The following FER variants were observed in gnomAD, a reference collection of about 807,000 sequenced individuals.
The protein encoded by FER is tyrosine-protein kinase Fer.
In FER, 63 loss-of-function variants were observed where a neutral mutation model predicts 111.0. That is an observed-to-expected ratio of 0.57 (90% CI 0.46 to 0.70). The LOEUF (loss-of-function observed/expected upper bound fraction) is 0.70. FER is among the 30% of genes least tolerant of loss of function. FER has a pLI of 0.00. For synonymous variants in FER, 327 were observed against 313.9 expected, an observed-to-expected ratio of 1.04 and a Z score of -0.44; for missense variants, 914 against 954.0, an observed-to-expected ratio of 0.96 and a Z score of 0.55.
At chr5:109,015,801 G>C (rs886377127) in intron 13 of FER, among the ~76,000 whole-genome samples, 3 of 151,996 alleles carry the variant, frequency 2.0e-5, no homozygotes, top group African/African-American at 7.2e-5. Context: ...TTTTGAATGA[G>C]TTGCTGTCAT....
chr5:108,984,716 G>A (rs986235584), intron 13 of FER, among the ~76,000 whole-genome samples: 3 of 150,756 alleles, frequency 2.0e-5, no homozygotes, highest in South Asian at 2.1e-4. Flanking sequence ...AAAGTACGTG[G>A]GGAAACTGTA....
chr5:108,782,159 G>T (rs1164281741), intron 2 of FER, among the ~76,000 whole-genome samples: 1 of 152,120 alleles, frequency 6.6e-6, no homozygotes, highest in Non-Finnish European at 1.5e-5. Context: ...GCAGTCACCT[G>T]TTCCTCCAGT....
In FER at chr5:108,874,331, T is replaced by A. The variant is rs142406979; in HGVS notation, c.923+2119T>A. On this transcript the variant is annotated intron_variant, in intron 8 of 19. Transcript: ENST00000281092. ...ATAAATCATTGTTTCTTAATTATAG[T>A]GATGAAGCAGTAAACAAAAATGCAA... 7.9e-5 allele frequency among the ~76,000 whole-genome samples: 12 copies of A among 152,238 alleles called. No individual in the cohort carries two copies. The East Asian group carries it at 2.1e-3, about 27-fold the overall frequency.
intron 16 of FER, chr5:109,051,327 A>G (rs1772771432): frequency 6.3e-7 from 1 of 1,597,186 alleles, no homozygotes; most frequent in Non-Finnish European, 8.6e-7. Flanking sequence ...TCTCCAGGTC[A>G]TCAGGCTGAG....
At chr5:109,158,749 C>G (rs1755683378) in intron 17 of FER, among the ~76,000 whole-genome samples, 1 of 152,092 alleles carries the variant, frequency 6.6e-6, no homozygotes. Flanking sequence ...TCGTTGTTCC[C>G]TGAACTCACT....
chr5:109,182,757 A>G (rs1456900019), intron 18 of FER, among the ~76,000 whole-genome samples: 5 of 152,224 alleles, frequency 3.3e-5, no homozygotes, highest in Non-Finnish European at 1.5e-5. Flanking sequence ...AAAGTGTTGT[A>G]TTTACAAATT....
intron 10 of FER, among the ~76,000 whole-genome samples, chr5:108,906,226 G>T (rs1219167307): frequency 6.6e-6 from 1 of 152,132 alleles, no homozygotes; most frequent in Non-Finnish European, 1.5e-5. Context: ...TCTAATATTT[G>T]ATTATTTGAT....
intron 16 of FER, among the ~76,000 whole-genome samples, chr5:109,080,412 T>G (rs1776852611): frequency 6.6e-6 from 1 of 152,170 alleles, no homozygotes; most frequent in South Asian, 2.1e-4. Context: ...ATTAAAAATT[T>G]AGTTAATTAA....
At chr5:108,792,314 A>G (rs1755471208) in intron 2 of FER, among the ~76,000 whole-genome samples, 1 of 152,212 alleles carries the variant, frequency 6.6e-6, no homozygotes, top group East Asian at 1.9e-4. Flanking sequence ...GTGAACATGA[A>G]TATTTCAATT....
At chr5:108,999,490 A>G (rs1764435861) in intron 13 of FER, among the ~76,000 whole-genome samples, 1 of 152,156 alleles carries the variant, frequency 6.6e-6, no homozygotes, top group Non-Finnish European at 1.5e-5. Flanking sequence ...ACTGACACAA[A>G]CAGAACATAC....
At chr5:109,014,188 T>A (rs1180593425) in intron 13 of FER, among the ~76,000 whole-genome samples, 7 of 151,598 alleles carry the variant, frequency 4.6e-5, no homozygotes, top group African/African-American at 1.7e-4. Context: ...AATGCCTAGG[T>A]TTTCTTCTAG....
intron 17 of FER, among the ~76,000 whole-genome samples, chr5:109,134,875 A>G (rs1335344267): frequency 6.6e-6 from 1 of 152,180 alleles, no homozygotes. Flanking sequence ...GGCTAAGGCA[A>G]AGAGTCTTTG....
chr5:108,938,220 G>A (rs1388664440), intron 10 of FER, among the ~76,000 whole-genome samples: 1 of 151,848 alleles, frequency 6.6e-6, no homozygotes, highest in Non-Finnish European at 1.5e-5. Context: ...GTAATCCTAA[G>A]ATGGGAGTTA....
rs141669364 is a variant in FER, at chr5:108,788,339, C to T, written c.-59-9785C>T. On this transcript the variant is annotated intron_variant, in intron 2 of 19. Coordinates refer to ENST00000281092, the MANE Select transcript of FER (RefSeq NM_005246.4). ...TCCCGCGCTTGCTCACTCACACACC[C>T]CTTGCTGCTCCACTCCTGGCTCACC... Among the ~76,000 whole-genome samples the T allele has an allele frequency of 8.9e-3, 1,353 of 152,244 alleles. 16 individuals are homozygous for T. The highest frequency in any genetic ancestry group is 0.031 in the African/African-American group (1,270 of 41,538).
At position 109,189,061 on chromosome 5, in the gene FER, A is replaced by T. The variant is rs1488749369; in HGVS notation, c.*1486A>T. On this transcript the variant is annotated 3_prime_UTR_variant, in exon 20 of 20. Coordinates refer to ENST00000281092, the MANE Select transcript of FER (RefSeq NM_005246.4). ...CATTGACCATTATACTGCCCCCTGG[A>T]CATTCTTACCATTAGCTGACAGGTA... 3 of 152,186 alleles carry T rather than the reference A, an allele frequency of 2.0e-5. No homozygotes were observed. Among genetic ancestry groups the T allele is most frequent in the Admixed American group, 6.6e-5 (1 of 15,262 alleles). 9.4% of individuals were successfully genotyped at this position (152,186 alleles called of 1,614,324 possible).
Position 109,187,690 on chromosome 5 carries a change from A to AT in FER, c.*121dup. ...TTACCTTCGACAGTCTTCTACCATT[A>AT]TTTTTTATTAACTGGGTGTTTTAAA... On this transcript the variant is annotated 3_prime_UTR_variant, in exon 20 of 20. Transcript: ENST00000281092. The AT allele has an allele frequency of 7.9e-7, 1 of 1,272,834 alleles. No homozygotes were observed. Among genetic ancestry groups the AT allele is most frequent in the Non-Finnish European group, 1.1e-6 (1 of 927,338 alleles). 78.8% of individuals were successfully genotyped at this position (1,272,834 alleles called of 1,614,324 possible). A position where few individuals can be genotyped will look rare whatever the true frequency, so the allele number is the denominator to read the frequency against.
intron 17 of FER, among the ~76,000 whole-genome samples, chr5:109,101,094 G>A (rs756010272): frequency 6.6e-5 from 10 of 152,050 alleles, no homozygotes; most frequent in Admixed American, 6.6e-4. Context: ...CTGATTGTAT[G>A]TAGTGACCTG....
rs144822989 is a variant in FER at position 109,012,108 on chromosome 5, T to G, written c.1657-25314T>G. 6.8e-3 allele frequency among the ~76,000 whole-genome samples: 1,035 copies of G among 152,360 alleles called. 13 individuals are homozygous for G. The highest frequency in any genetic ancestry group is 0.023 in the African/African-American group (964 of 41,584). On this transcript the variant is annotated intron_variant, in intron 13 of 19. Coordinates refer to ENST00000281092, the MANE Select transcript of FER (RefSeq NM_005246.4). ...GCCGCACTCTTTGGTGCTCCGCACT[T>G]AGTTCTTTCCTTATTTTTACTTATT...
chr5:108,868,369 T>G (rs940532244), intron 6 of FER, among the ~76,000 whole-genome samples: 4 of 152,022 alleles, frequency 2.6e-5, no homozygotes, highest in African/African-American at 7.2e-5. Flanking sequence ...CAACAAATGT[T>G]TATTGAAGTT....
Sources: gnomAD v4.1 joint callset for allele counts (sites outside exome capture counted in the v4.1 genomes callset) on GRCh38, gnomAD v4.1.1 for gene constraint, MANE v1.5 for transcripts, NCBI Gene and HGNC (gene_info 2026-07-23, HGNC 2026-07-21) for gene names.